MYB: variants seen among roughly 807,000 people sequenced by gnomAD.
The protein encoded by MYB is MYB proto-oncogene, transcription factor.
In MYB, 28 loss-of-function variants were observed where a neutral mutation model predicts 92.9. That is an observed-to-expected ratio of 0.30 (90% CI 0.22 to 0.41). MYB has a LOEUF of 0.41. MYB is among the 10% of genes least tolerant of loss of function. MYB has a pLI of 1.00. For synonymous variants in MYB, 295 were observed against 329.1 expected (o/e 0.90, Z 1.12); for missense variants, 679 against 929.3 (o/e 0.73, Z 3.50).
intron 15 of MYB, among the ~76,000 whole-genome samples, chr6:135,213,080 T>C (rs763604603): frequency 7.2e-5 from 11 of 152,204 alleles, no homozygotes; most frequent in South Asian, 2.1e-4. Flanking sequence ...GCTTTCCTGG[T>C]GCAGAAAAGG....
chr6:135,196,692 A>G, intron 9 of MYB: 2 of 1,372,980 alleles, frequency 1.5e-6, no homozygotes, highest in Non-Finnish European at 1.9e-6. Flanking sequence ...TGCCATCTAG[A>G]AAAGGTCTTC....
chr6:135,189,997 A>G, intron 4 of MYB, 114 bp downstream of exon 4: 2 of 1,383,904 alleles, frequency 1.4e-6, no homozygotes, highest in Non-Finnish European at 2.0e-6. Flanking sequence ...AGAGGACTCT[A>G]TTCCCATATT....
chr6:135,208,057 T>TTTTATTTTTTAA (rs1337590129), intron 15 of MYB, among the ~76,000 whole-genome samples: 1 of 139,758 alleles, frequency 7.2e-6, no homozygotes, highest in African/African-American at 2.6e-5. Context: ...AAGTTTTTAT[T>TTTTATTTTTTAA]TTTATTTTTT....
intron 7 of MYB, 86 bp from the exon 8 acceptor site, chr6:135,194,270 A>C: frequency 1.0e-6 from 1 of 1,003,330 alleles, no homozygotes; most frequent in Non-Finnish European, 1.5e-6. Context: ...GCTGTGCGGC[A>C]CCTCATGACC....
Position 135,194,005 on chromosome 6 carries a change from A to C in MYB, c.843+87A>C, listed in dbSNP as rs1776960876. On this transcript the variant is annotated intron_variant, in intron 7 of 15. Coordinates refer to ENST00000341911, the MANE Select transcript of MYB (RefSeq NM_001130173.2). Reference sequence around the variant, plus strand: ...TCTAAACACATATTTTTACCTGAGCAACTAAAGTAAAAAGGAAAGGGAACA... The same window carrying C: ...TCTAAACACATATTTTTACCTGAGCCACTAAAGTAAAAAGGAAAGGGAACA... 5.6e-6 allele frequency: 6 copies of C among 1,070,036 alleles called. No homozygotes were observed. In the Admixed American group the frequency reaches 9.1e-5, roughly 16 times the overall value. 66.3% of individuals were successfully genotyped at this position (1,070,036 alleles called of 1,614,324 possible).
chr6:135,200,220 T>G (rs758245712), intron 12 of MYB, 21 bp downstream of exon 12: 38 of 1,613,912 alleles, frequency 2.4e-5, no homozygotes, highest in Non-Finnish European at 3.0e-5. Flanking sequence ...GAAAAGTTTT[T>G]GGATTTCATT....
intron 1 of MYB, among the ~76,000 whole-genome samples, chr6:135,183,028 T>TC (rs1562359379): frequency 8.7e-6 from 1 of 115,070 alleles, no homozygotes; most frequent in African/African-American, 3.6e-5. Context: ...TTTTTTTTTT[T>TC]CGAGAGCTGA....
intron 9 of MYB, 185 bp from the exon 10 acceptor site, chr6:135,196,776 G>A (rs1316015421): frequency 4.5e-6 from 7 of 1,539,260 alleles, no homozygotes; most frequent in Non-Finnish European, 5.2e-6. Flanking sequence ...CAGCCTTGAG[G>A]CAGCCCACTA....
intron 15 of MYB, among the ~76,000 whole-genome samples, chr6:135,208,684 A>G (rs1779317491): frequency 6.6e-6 from 1 of 152,058 alleles, no homozygotes; most frequent in Admixed American, 6.6e-5. Flanking sequence ...CCCAGCCTGA[A>G]GTATTTTAAA....
chr6:135,192,817 T>G (rs1776790817), intron 6 of MYB, among the ~76,000 whole-genome samples: 1 of 152,228 alleles, frequency 6.6e-6, no homozygotes, highest in South Asian at 2.1e-4. Flanking sequence ...GAAAACGAGC[T>G]GTCCGATTCT....
chr6:135,185,811 G>A (rs1180590294), intron 1 of MYB, 92 bp from the exon 2 acceptor site: 4 of 1,002,830 alleles, frequency 4.0e-6, no homozygotes, highest in Non-Finnish European at 6.2e-6. Context: ...CCTTTGAAAA[G>A]ATTGTTGAGG....
intron 1 of MYB, among the ~76,000 whole-genome samples, chr6:135,185,610 G>A (rs528401913): frequency 1.3e-5 from 2 of 152,242 alleles, no homozygotes; most frequent in African/African-American, 4.8e-5. Flanking sequence ...TGGTTGGAAG[G>A]TGGCCAAATG....
intron 15 of MYB, among the ~76,000 whole-genome samples, chr6:135,206,364 C>T (rs550197758): frequency 8.2e-4 from 125 of 151,606 alleles, no homozygotes; most frequent in Non-Finnish European, 1.6e-3. Flanking sequence ...TACCCCTGCA[C>T]TCTAGCCTGG....
intron 4 of MYB, 71 bp downstream of exon 4, chr6:135,189,954 T>G: frequency 1.3e-6 from 2 of 1,508,646 alleles, no homozygotes; most frequent in Non-Finnish European, 1.8e-6. Flanking sequence ...TTTTCCTATT[T>G]GAGGAAGCAG....
chr6:135,190,816 A>G lies in MYB; in HGVS notation c.527+469A>G, dbSNP rs534128278. ...TTTTTAATTATTATTTTTTAGAGAC[A>G]GAGGCTTGTTCTGTCACACATGAGT... On this transcript the variant is annotated intron_variant, in intron 5 of 15. Transcript: ENST00000341911. The surrounding 1 kb of genome is among the most constrained non-coding windows in gnomAD (Gnocchi z 4.5). Among the ~76,000 whole-genome samples the G allele has an allele frequency of 6.6e-6, 1 of 152,146 alleles. No individual in the cohort carries two copies. Among genetic ancestry groups the G allele is most frequent in the Non-Finnish European group, 1.5e-5 (1 of 68,030 alleles).
chr6:135,198,165 G>C (rs1777589582), intron 10 of MYB, among the ~76,000 whole-genome samples: 3 of 152,178 alleles, frequency 2.0e-5, no homozygotes, highest in Admixed American at 2.0e-4. Context: ...TTCTTAGCTG[G>C]GCATAGTGGC....
At chr6:135,194,611 G>C (rs1583294643) in intron 8 of MYB, 151 bp downstream of exon 8, 2 of 620,698 alleles carry the variant, frequency 3.2e-6, no homozygotes. Flanking sequence ...GTAAAATGTA[G>C]TTGGTATCAG....
intron 15 of MYB, among the ~76,000 whole-genome samples, chr6:135,214,803 T>C (rs1459220582): frequency 1.3e-5 from 2 of 152,228 alleles, no homozygotes; most frequent in Non-Finnish European, 2.9e-5. Context: ...TATGGACAGA[T>C]AGACACCAGA....
intron 5 of MYB, among the ~76,000 whole-genome samples, chr6:135,191,758 A>G (rs1311390760): frequency 6.6e-6 from 1 of 152,118 alleles, no homozygotes; most frequent in African/African-American, 2.4e-5. Context: ...TTGGGATCCC[A>G]TTTTCCACTC....
Sources: gnomAD v4.1 joint callset for allele counts (sites outside exome capture counted in the v4.1 genomes callset) on GRCh38, gnomAD v4.1.1 for gene constraint, Gnocchi (gnomAD v3.1) non-coding constraint, MANE v1.5 for transcripts, NCBI Gene and HGNC (gene_info 2026-07-23, HGNC 2026-07-21) for gene names.